PTPRD: variants seen among roughly 807,000 people sequenced by gnomAD.
PTPRD encodes receptor-type tyrosine-protein phosphatase delta.
In PTPRD, 34 loss-of-function variants were observed where a neutral mutation model predicts 214.5. The observed-to-expected ratio is 0.16, with a 90% CI of 0.12 to 0.21. The LOEUF is 0.21. PTPRD is among the 10% of genes least tolerant of loss of function. The pLI is 1.00. For missense variants in PTPRD, 2,545 were observed against 2,398.7 expected, an observed-to-expected ratio of 1.06 and a Z score of -1.27; for synonymous variants, 1,128 against 845.7, an observed-to-expected ratio of 1.33 and a Z score of -5.79.
intron 9 of PTPRD, among the ~76,000 whole-genome samples, chr9:9,358,219 T>G (rs117293108): frequency 3.3e-5 from 5 of 151,332 alleles, no homozygotes; most frequent in African/African-American, 1.2e-4. Flanking sequence ...AGGCAATTTT[T>G]TCTTATTTAG....
intron 33 of PTPRD, among the ~76,000 whole-genome samples, chr9:8,454,091 G>C (rs964093537): frequency 6.6e-6 from 1 of 152,122 alleles, no homozygotes; most frequent in Non-Finnish European, 1.5e-5. Context: ...TCAAGACTGG[G>C]AGACATGGAT....
intron 5 of PTPRD, among the ~76,000 whole-genome samples, chr9:9,888,973 T>G (rs1192264381): frequency 6.6e-6 from 1 of 151,984 alleles, no homozygotes; most frequent in Non-Finnish European, 1.5e-5. Flanking sequence ...TGCTGAAAAA[T>G]ACAGAAGTTC....
intron 7 of PTPRD, among the ~76,000 whole-genome samples, chr9:9,672,306 T>C (rs982580940): frequency 3.9e-5 from 6 of 152,138 alleles, no homozygotes; most frequent in Non-Finnish European, 8.8e-5. Context: ...TGGTTTATGA[T>C]GGGCAAAAAA....
intron 2 of PTPRD, among the ~76,000 whole-genome samples, chr9:10,504,463 T>C (rs538824724): frequency 4.6e-5 from 7 of 152,158 alleles, no homozygotes; most frequent in Non-Finnish European, 7.3e-5. Context: ...CATGGTATTA[T>C]TGCCTCAGAA....
intron 27 of PTPRD, among the ~76,000 whole-genome samples, chr9:8,488,704 G>A (rs558618458): frequency 1.3e-5 from 2 of 152,296 alleles, no homozygotes; most frequent in East Asian, 3.9e-4. Flanking sequence ...GACATTGGCA[G>A]ACATCTTTAA....
At chr9:10,432,613 G>C (rs1416130290) in intron 2 of PTPRD, among the ~76,000 whole-genome samples, 2 of 151,892 alleles carry the variant, frequency 1.3e-5, no homozygotes, top group African/African-American at 4.8e-5. Flanking sequence ...AAGTGGACTA[G>C]TGAAACCATC....
At chr9:9,777,344 C>T (rs1271889684) in intron 5 of PTPRD, among the ~76,000 whole-genome samples, 1 of 151,160 alleles carries the variant, frequency 6.6e-6, no homozygotes, top group Non-Finnish European at 1.5e-5. Flanking sequence ...CACACACACA[C>T]ACACACACAC....
chr9:10,441,087 C>T (rs2098755249), intron 2 of PTPRD, among the ~76,000 whole-genome samples: 1 of 151,660 alleles, frequency 6.6e-6, no homozygotes, highest in Non-Finnish European at 1.5e-5. Flanking sequence ...CGTTTCCAAC[C>T]CAAATTTTGG....
At chr9:8,934,316 C>G (rs1202865284) in intron 11 of PTPRD, among the ~76,000 whole-genome samples, 2 of 146,972 alleles carry the variant, frequency 1.4e-5, no homozygotes, top group African/African-American at 2.5e-5. Flanking sequence ...GAAATCAAGC[C>G]CTGCAGACAC....
intron 11 of PTPRD, among the ~76,000 whole-genome samples, chr9:9,006,478 G>A (rs118078667): frequency 0.041 from 6,231 of 152,042 alleles, 162 homozygotes; most frequent in Middle Eastern, 0.11. Flanking sequence ...ATTCTGAATA[G>A]TCACTGATCC....
At chr9:9,260,896 C>G (rs2099979823) in intron 9 of PTPRD, among the ~76,000 whole-genome samples, 1 of 151,844 alleles carries the variant, frequency 6.6e-6, no homozygotes, top group African/African-American at 2.4e-5. Context: ...CTGCTCCATC[C>G]TGCAATCAAC....
At chr9:9,433,408 C>T (rs901878180) in intron 8 of PTPRD, among the ~76,000 whole-genome samples, 1 of 152,118 alleles carries the variant, frequency 6.6e-6, no homozygotes, top group Non-Finnish European at 1.5e-5. Context: ...AATGTTTATA[C>T]TTAAAGTGGC....
intron 5 of PTPRD, among the ~76,000 whole-genome samples, chr9:9,891,698 T>C (rs1452125292): frequency 2.0e-5 from 3 of 152,130 alleles, no homozygotes; most frequent in Middle Eastern, 3.2e-3. Context: ...CACTATTTCC[T>C]ATTTATAAGT....
At chr9:8,638,575 T>C (rs1016153576) in intron 12 of PTPRD, among the ~76,000 whole-genome samples, 2 of 152,224 alleles carry the variant, frequency 1.3e-5, no homozygotes, top group African/African-American at 4.8e-5. Flanking sequence ...CCTAGCTTTA[T>C]ATATTATTTC....
intron 10 of PTPRD, 111 bp from the exon 11 acceptor site, chr9:9,018,846 T>C (rs567530573): frequency 1.1e-4 from 17 of 152,152 alleles, no homozygotes; most frequent in Non-Finnish European, 1.9e-4. Context: ...AAATGTCAAA[T>C]TCCAACAAGA....
chr9:8,875,953 G>C (rs1053011424), intron 11 of PTPRD, among the ~76,000 whole-genome samples: 1 of 152,148 alleles, frequency 6.6e-6, no homozygotes, highest in Non-Finnish European at 1.5e-5. Flanking sequence ...ATGATGCCGA[G>C]ACACTGAATT....
intron 36 of PTPRD, among the ~76,000 whole-genome samples, chr9:8,393,722 A>G (rs1381742417): frequency 6.6e-6 from 1 of 152,142 alleles, no homozygotes; most frequent in Non-Finnish European, 1.5e-5. Context: ...AGTGATGTCA[A>G]TAGTTGTAAC....
At chr9:10,305,470 A>C (rs1371557796) in intron 3 of PTPRD, among the ~76,000 whole-genome samples, 1 of 151,980 alleles carries the variant, frequency 6.6e-6, no homozygotes, top group East Asian at 1.9e-4. Flanking sequence ...AACTATCATC[A>C]GAGTGAACAG....
At chr9:10,522,899 G>A (rs2134253568) in intron 2 of PTPRD, among the ~76,000 whole-genome samples, 1 of 152,114 alleles carries the variant, frequency 6.6e-6, no homozygotes, top group African/African-American at 2.4e-5. Context: ...GTTCATCTAA[G>A]AAGGGTATTT....
Sources: allele counts gnomAD v4.1 joint callset (sites outside exome capture counted in the v4.1 genomes callset), GRCh38; gene constraint gnomAD v4.1.1; transcripts MANE v1.5; gene names NCBI Gene and HGNC (gene_info 2026-07-23, HGNC 2026-07-21).